The following TRPC4 variants were observed in gnomAD, a reference collection of about 807,000 sequenced individuals.
TRPC4 encodes the protein transient receptor potential cation channel subfamily C member 4.
A neutral mutation model predicts 99.4 loss-of-function variants in TRPC4; 49 were observed. That is an observed-to-expected ratio of 0.49 (90% CI 0.39 to 0.63). The LOEUF (loss-of-function observed/expected upper bound fraction) is 0.63. TRPC4 is among the 20% of genes least tolerant of loss of function. TRPC4 has a pLI of 0.00. For synonymous variants in TRPC4, 454 were observed against 425.9 expected (o/e 1.07, Z -0.81); for missense variants, 898 against 1,152.9 (o/e 0.78, Z 3.20).
rs34394716 is a variant in TRPC4, at chr13:37,814,341, GA to G, written c.-27-30982del. On this transcript the variant is annotated intron_variant, in intron 1 of 10. Transcript: ENST00000379705. ...TTTTGACCAGGGCAATTAGGTAAGG[GA>G]AAAAAAAGGTATCAAAGTAGAAAAG... is the stretch of plus-strand genomic sequence containing the variant. 1.0e-4 allele frequency among the ~76,000 whole-genome samples: 15 copies of G among 150,482 alleles called. No individual in the cohort carries two copies. In the East Asian group the frequency reaches 2.7e-3, roughly 28 times the overall value.
chr13:37,808,063 T>C (rs1276523105), intron 1 of TRPC4, among the ~76,000 whole-genome samples: 2 of 152,032 alleles, frequency 1.3e-5, no homozygotes, highest in Non-Finnish European at 2.9e-5. Context: ...TTAGCAGAAC[T>C]TTTCTAAGAT....
intron 3 of TRPC4, among the ~76,000 whole-genome samples, chr13:37,742,391 T>C (rs1955617595): frequency 6.6e-6 from 1 of 152,192 alleles, no homozygotes; most frequent in South Asian, 2.1e-4. Context: ...AGAGCATCTG[T>C]GACTTCATTC....
At chr13:37,769,847 G>A (rs1956498604) in intron 2 of TRPC4, among the ~76,000 whole-genome samples, 1 of 151,512 alleles carries the variant, frequency 6.6e-6, no homozygotes. Context: ...ACTTCGTTCT[G>A]AAATTAATAA....
intron 1 of TRPC4, among the ~76,000 whole-genome samples, chr13:37,829,428 T>G (rs1315709316): frequency 1.3e-5 from 2 of 152,208 alleles, no homozygotes; most frequent in Non-Finnish European, 1.5e-5. Context: ...TTGCACCCAC[T>G]GGGATAGCTT....
chr13:37,803,543 T>G (rs1299844015), intron 1 of TRPC4, among the ~76,000 whole-genome samples: 1 of 152,118 alleles, frequency 6.6e-6, no homozygotes, highest in Non-Finnish European at 1.5e-5. Flanking sequence ...CATTTCTCCA[T>G]TCAATAAATA....
chr13:37,705,992 C>T (rs145642312), intron 3 of TRPC4, among the ~76,000 whole-genome samples: 1 of 152,152 alleles, frequency 6.6e-6, no homozygotes, highest in Non-Finnish European at 1.5e-5. Flanking sequence ...AGATTCCCCT[C>T]ATTACTTCCA....
intron 2 of TRPC4, among the ~76,000 whole-genome samples, chr13:37,774,452 A>C (rs1361595512): frequency 6.6e-6 from 1 of 151,754 alleles, no homozygotes; most frequent in South Asian, 2.1e-4. Context: ...AAATAAGAAC[A>C]CTCTTTTTAG....
chr13:37,834,883 T>C (rs1196839273), intron 1 of TRPC4, among the ~76,000 whole-genome samples: 1 of 152,020 alleles, frequency 6.6e-6, no homozygotes, highest in Non-Finnish European at 1.5e-5. Flanking sequence ...TACAGGCATG[T>C]GCCACCATGC....
At chr13:37,844,281 C>T (rs1958822643) in intron 1 of TRPC4, among the ~76,000 whole-genome samples, 1 of 151,838 alleles carries the variant, frequency 6.6e-6, no homozygotes, top group Admixed American at 6.6e-5. Context: ...GTTCACAGGT[C>T]TTTCTTTTTT....
Position 37,637,360 on chromosome 13 carries a change from T to C in TRPC4, c.2477A>G (p.Gln826Arg), listed in dbSNP as rs750725107. 4.3e-6 allele frequency: 7 copies of C among 1,613,840 alleles called. No individual in the cohort carries two copies. The East Asian group carries it at 8.9e-5, about 21-fold the overall frequency. ...TCTCTGCTTCTCCCTGGGCGGCTCCTGAACCACCAGGGCAGAGCCATTGCT... is the reference window on the plus strand; with the variant it reads ...TCTCTGCTTCTCCCTGGGCGGCTCCCGAACCACCAGGGCAGAGCCATTGCT... ...NISNGSALVV[Q>R]EPPREKQRKV... Residue 826 changes from glutamine (Q) to arginine (R), a missense_variant, in exon 11 of 11, where the codon CAG (glutamine) becomes CGG (arginine). Transcript: ENST00000379705.
intron 2 of TRPC4, among the ~76,000 whole-genome samples, chr13:37,759,070 C>T (rs1160729143): frequency 6.6e-6 from 1 of 151,210 alleles, no homozygotes; most frequent in Non-Finnish European, 1.5e-5. Flanking sequence ...GACTATAATT[C>T]AAGAATATAG....
chr13:37,797,581 T>C (rs1957291559), intron 1 of TRPC4, among the ~76,000 whole-genome samples: 1 of 152,168 alleles, frequency 6.6e-6, no homozygotes, highest in Non-Finnish European at 1.5e-5. Flanking sequence ...AACTTTTAAT[T>C]TTTTCCTCAG....
chr13:37,720,181 A>G (rs1343079496), intron 3 of TRPC4, among the ~76,000 whole-genome samples: 1 of 152,194 alleles, frequency 6.6e-6, no homozygotes, highest in African/African-American at 2.4e-5. Flanking sequence ...TGAGACTTGC[A>G]TCGTATTTTT....
intron 1 of TRPC4, among the ~76,000 whole-genome samples, chr13:37,788,641 G>T (rs906291394): frequency 6.6e-6 from 1 of 151,916 alleles, no homozygotes; most frequent in Admixed American, 6.6e-5. Flanking sequence ...CTTTTCTTCA[G>T]TCTAAAGCTG....
intron 1 of TRPC4, among the ~76,000 whole-genome samples, chr13:37,812,101 C>T (rs1957705421): frequency 7.0e-6 from 1 of 143,774 alleles, no homozygotes; most frequent in Non-Finnish European, 1.5e-5. Context: ...ATTGCTTGAA[C>T]CCAGGAGGCA....
At chr13:37,639,460 A>T (rs1359387303) in intron 8 of TRPC4, among the ~76,000 whole-genome samples, 161 bp from the exon 9 acceptor site, 1 of 152,144 alleles carries the variant, frequency 6.6e-6, no homozygotes, top group Non-Finnish European at 1.5e-5. Flanking sequence ...CATGAATCAA[A>T]AGAATGAGTG....
chr13:37,828,390 T>A (rs1350171081), intron 1 of TRPC4, among the ~76,000 whole-genome samples: 1 of 152,222 alleles, frequency 6.6e-6, no homozygotes, highest in African/African-American at 2.4e-5. Flanking sequence ...TTGTTTGGAA[T>A]GATAATTAGT....
intron 10 of TRPC4, among the ~76,000 whole-genome samples, chr13:37,637,856 A>G (rs1047077390): frequency 3.3e-5 from 5 of 152,170 alleles, no homozygotes; most frequent in Admixed American, 1.3e-4. Context: ...AGGCTGATGC[A>G]AAAAGAAACG....
At chr13:37,802,944 A>G (rs1957441349) in intron 1 of TRPC4, among the ~76,000 whole-genome samples, 1 of 151,998 alleles carries the variant, frequency 6.6e-6, no homozygotes, top group African/African-American at 2.4e-5. Flanking sequence ...TGATTTCTTA[A>G]GGAAAAATTG....
Sources: gnomAD v4.1 joint callset for allele counts (sites outside exome capture counted in the v4.1 genomes callset) on GRCh38, gnomAD v4.1.1 for gene constraint, MANE v1.5 for transcripts, NCBI Gene and HGNC (gene_info 2026-07-23, HGNC 2026-07-21) for gene names.